The following SIPA1L3 variants were observed in gnomAD, a reference collection of about 807,000 sequenced individuals.
SIPA1L3 encodes the protein signal induced proliferation associated 1 like 3, also known as signal-induced proliferation-associated 1-like protein 3.
SIPA1L3 carries 59 observed loss-of-function variants against 150.1 expected under a neutral mutation model. The ratio of observed to expected loss-of-function variants is 0.39; its 90% CI spans 0.32 to 0.49. The LOEUF is 0.49. SIPA1L3 is among the 20% of genes least tolerant of loss of function. SIPA1L3 has a pLI of 0.86. For missense variants in SIPA1L3, 2,211 were observed against 2,489.5 expected (o/e 0.89, Z 2.38); for synonymous variants, 1,070 against 1,077.6 (o/e 0.99, Z 0.14).
intron 1 of SIPA1L3, among the ~76,000 whole-genome samples, chr19:37,987,781 C>T (rs1219168682): frequency 1.3e-5 from 2 of 152,182 alleles, no homozygotes; most frequent in African/African-American, 2.4e-5. Flanking sequence ...GTGCATCTCC[C>T]GTCTGCTGCA....
intron 9 of SIPA1L3, among the ~76,000 whole-genome samples, chr19:38,122,717 C>T: frequency 6.6e-6 from 1 of 152,194 alleles, no homozygotes; most frequent in Admixed American, 6.6e-5. Context: ...CTCTCTGCCC[C>T]AGCCATGAAG....
intron 1 of SIPA1L3, among the ~76,000 whole-genome samples, chr19:37,954,907 TGA>T (rs2046795951): frequency 6.6e-6 from 1 of 151,896 alleles, no homozygotes; most frequent in South Asian, 2.1e-4. Context: ...GACAACATGG[TGA>T]AACCCTGTCT....
At chr19:38,071,201 T>TTATTTATCTATC (rs960585859) in intron 2 of SIPA1L3, among the ~76,000 whole-genome samples, 1 of 142,158 alleles carries the variant, frequency 7.0e-6, no homozygotes, top group Non-Finnish European at 1.5e-5. Flanking sequence ...TTATGTTGTT[T>TTATTTATCTATC]TATCTATCTA....
intron 9 of SIPA1L3, among the ~76,000 whole-genome samples, chr19:38,128,789 C>T (rs111479422): frequency 0.014 from 2,159 of 151,938 alleles, 53 homozygotes; most frequent in African/African-American, 0.049. Flanking sequence ...CCCACCTACT[C>T]GGGAGGCTGA....
At chr19:38,009,246 C>T (rs578238785) in intron 1 of SIPA1L3, among the ~76,000 whole-genome samples, 9 of 152,218 alleles carry the variant, frequency 5.9e-5, no homozygotes, top group Admixed American at 6.5e-5. Context: ...TCTCGAACTC[C>T]TGACCTTGTG....
chr19:38,181,536 C>A (rs112069344), intron 15 of SIPA1L3, among the ~76,000 whole-genome samples: 1 of 151,706 alleles, frequency 6.6e-6, no homozygotes, highest in Non-Finnish European at 1.5e-5. Flanking sequence ...TATACACATG[C>A]GTATGTTTTT....
At chr19:38,056,239 CACGTGGGTGGCTA>C (rs1969311447) in intron 2 of SIPA1L3, among the ~76,000 whole-genome samples, 1 of 152,172 alleles carries the variant, frequency 6.6e-6, no homozygotes, top group African/African-American at 2.4e-5. Context: ...CTCTTGCCCC[CACGTGGGTGGCTA>C]CCCTGGCCTC....
At chr19:38,151,709 T>A (rs1600140403) in intron 12 of SIPA1L3, among the ~76,000 whole-genome samples, 1 of 152,182 alleles carries the variant, frequency 6.6e-6, no homozygotes, top group South Asian at 2.1e-4. Flanking sequence ...ACATCTGTAG[T>A]CCCAGCGCTT....
At chr19:37,961,213 T>G (rs776748787) in intron 1 of SIPA1L3, among the ~76,000 whole-genome samples, 6 of 151,350 alleles carry the variant, frequency 4.0e-5, no homozygotes, top group Admixed American at 4.0e-4. Flanking sequence ...GTGATGGGGA[T>G]CTCGCTGTGT....
intron 2 of SIPA1L3, among the ~76,000 whole-genome samples, chr19:38,052,120 G>C (rs770657186): frequency 6.6e-6 from 1 of 152,136 alleles, no homozygotes; most frequent in South Asian, 2.1e-4. Context: ...CCTGTACATC[G>C]TGGAAGAGAG....
chr19:37,997,593 G>A (rs1365121799), intron 1 of SIPA1L3, among the ~76,000 whole-genome samples: 2 of 146,558 alleles, frequency 1.4e-5, no homozygotes, highest in African/African-American at 2.5e-5. Context: ...AAAAGGCCGG[G>A]CACGTTGGCT....
intron 11 of SIPA1L3, 62 bp downstream of exon 11, chr19:38,141,497 C>T (rs946267377): frequency 3.3e-6 from 5 of 1,507,686 alleles, no homozygotes; most frequent in African/African-American, 1.4e-5. Context: ...CCATCCTCCG[C>T]CCCTCCCTCT....
chr19:38,141,057 CAAAAAAAAAA>C (rs551813100), intron 10 of SIPA1L3, 117 bp from the exon 11 acceptor site: 593 of 396,406 alleles, frequency 1.5e-3, no homozygotes, highest in Non-Finnish European at 2.0e-3. Context: ...GACTCTGTCT[CAAAAAAAAAA>C]AAAAAAAAAA....
At chr19:37,926,487 G>A (rs544078007) in intron 1 of SIPA1L3, among the ~76,000 whole-genome samples, 19 of 152,174 alleles carry the variant, frequency 1.2e-4, no homozygotes, top group Non-Finnish European at 4.4e-5. Flanking sequence ...CACATGGTGG[G>A]GGTGCTCTCT....
At chr19:38,128,152 T>C (rs181133880) in intron 9 of SIPA1L3, among the ~76,000 whole-genome samples, 1 of 149,306 alleles carries the variant, frequency 6.7e-6, no homozygotes, top group African/African-American at 2.5e-5. Context: ...CCTCCTGTGT[T>C]CAAGCGATTC....
chr19:38,112,251 GGCACACACAA>G (rs1296194076), intron 8 of SIPA1L3, among the ~76,000 whole-genome samples: 1 of 149,482 alleles, frequency 6.7e-6, no homozygotes, highest in Non-Finnish European at 1.5e-5. Flanking sequence ...CACTCACACA[GGCACACACAA>G]GCACATGCAC....
intron 9 of SIPA1L3, among the ~76,000 whole-genome samples, chr19:38,124,941 A>G (rs902503479): frequency 2.8e-5 from 4 of 140,716 alleles, no homozygotes; most frequent in Admixed American, 7.3e-5. Context: ...CAGTGAGCCG[A>G]GATGGCAGCA....
intron 1 of SIPA1L3, among the ~76,000 whole-genome samples, chr19:37,972,086 G>A (rs1486154018): frequency 1.3e-5 from 2 of 151,510 alleles, no homozygotes; most frequent in Non-Finnish European, 1.5e-5. Flanking sequence ...AGTTCTCTTG[G>A]ATATCTACAT....
At chr19:37,993,507 A>G (rs1436623195) in intron 1 of SIPA1L3, among the ~76,000 whole-genome samples, 1 of 151,986 alleles carries the variant, frequency 6.6e-6, no homozygotes, top group Admixed American at 6.6e-5. Flanking sequence ...AATTTTTTGT[A>G]TTTTTAGTAG....
Sources: gnomAD v4.1 joint callset for allele counts (sites outside exome capture counted in the v4.1 genomes callset) on GRCh38, gnomAD v4.1.1 for gene constraint, MANE v1.5 for transcripts, NCBI Gene and HGNC (gene_info 2026-07-23, HGNC 2026-07-21) for gene names.